Variants in ATXN1 observed in about 807,000 individuals in gnomAD.
ATXN1 encodes the protein ataxin 1.
A neutral mutation model predicts 56.4 loss-of-function variants in ATXN1; 8 were observed. That is an observed-to-expected ratio of 0.14 (90% confidence interval 0.08 to 0.26). The LOEUF is 0.26. Ranked by LOEUF, ATXN1 falls within the 10% of genes least tolerant of loss-of-function variation. ATXN1 has a pLI of 1.00. For missense variants in ATXN1, 987 were observed against 1,106.5 expected (o/e 0.89, Z 1.53); for synonymous variants, 514 against 494.6 (o/e 1.04, Z -0.52).
intron 6 of ATXN1, among the ~76,000 whole-genome samples, chr6:16,357,416 C>A (rs759426152): frequency 4.0e-5 from 6 of 151,896 alleles, no homozygotes; most frequent in Admixed American, 2.0e-4. Context: ...ACTACAGGTG[C>A]CCGCCACCAT....
intron 6 of ATXN1, among the ~76,000 whole-genome samples, chr6:16,454,148 A>AC (rs1561902131): frequency 2.3e-5 from 3 of 131,832 alleles, no homozygotes; most frequent in African/African-American, 7.9e-5. Context: ...AAAAAAAAAA[A>AC]AAAAAACAGA....
At chr6:16,378,699 C>T (rs1270291536) in intron 6 of ATXN1, among the ~76,000 whole-genome samples, 3 of 152,006 alleles carry the variant, frequency 2.0e-5, no homozygotes, top group Non-Finnish European at 2.9e-5. Flanking sequence ...GCTGGGACTA[C>T]AGGTGCACAC....
chr6:16,535,789 C>T (rs1761586236), intron 4 of ATXN1, among the ~76,000 whole-genome samples: 1 of 152,120 alleles, frequency 6.6e-6, no homozygotes, highest in African/African-American at 2.4e-5. Context: ...TTGACAAACC[C>T]TGACACAACC....
At chr6:16,558,871 T>C (rs1762063860) in intron 4 of ATXN1, among the ~76,000 whole-genome samples, 1 of 151,420 alleles carries the variant, frequency 6.6e-6, no homozygotes, top group African/African-American at 2.4e-5. Context: ...TAAACTAAAA[T>C]AGCATAAGAC....
intron 6 of ATXN1, among the ~76,000 whole-genome samples, chr6:16,365,323 C>G (rs548254332): frequency 2.0e-5 from 3 of 152,126 alleles, no homozygotes; most frequent in Non-Finnish European, 4.4e-5. Flanking sequence ...ACTGCAGGCA[C>G]GCATCACCAC....
At chr6:16,581,936 A>C (rs983406115) in intron 4 of ATXN1, among the ~76,000 whole-genome samples, 1 of 152,220 alleles carries the variant, frequency 6.6e-6, no homozygotes, top group Non-Finnish European at 1.5e-5. Flanking sequence ...ACAATTTCTT[A>C]AGGATATGGA....
intron 2 of ATXN1, among the ~76,000 whole-genome samples, chr6:16,721,680 T>A (rs1378262705): frequency 1.3e-5 from 2 of 152,204 alleles, no homozygotes; most frequent in Non-Finnish European, 2.9e-5. Context: ...GCAGATTTAA[T>A]GTAATAATTT....
At chr6:16,617,661 G>T (rs1763239170) in intron 3 of ATXN1, among the ~76,000 whole-genome samples, 1 of 151,534 alleles carries the variant, frequency 6.6e-6, no homozygotes, top group Non-Finnish European at 1.5e-5. Context: ...CAGCTACTCG[G>T]GAGGCTGAGG....
intron 6 of ATXN1, among the ~76,000 whole-genome samples, chr6:16,411,995 C>T (rs1758809541): frequency 6.6e-6 from 1 of 152,106 alleles, no homozygotes; most frequent in Non-Finnish European, 1.5e-5. Flanking sequence ...AGGGAAGACA[C>T]CCAATAAATA....
chr6:16,313,659 C>A (rs1400653072), intron 7 of ATXN1, among the ~76,000 whole-genome samples: 4 of 151,700 alleles, frequency 2.6e-5, no homozygotes, highest in African/African-American at 7.3e-5. Flanking sequence ...TGGATTCGAG[C>A]GATTCTCCTG....
At chr6:16,376,759 A>G (rs1762148161) in intron 6 of ATXN1, among the ~76,000 whole-genome samples, 1 of 152,234 alleles carries the variant, frequency 6.6e-6, no homozygotes, top group Non-Finnish European at 1.5e-5. Context: ...ATAGTTGACA[A>G]ACTCTGAAAT....
chr6:16,393,396 G>A (rs993827511), intron 6 of ATXN1, among the ~76,000 whole-genome samples: 19 of 151,964 alleles, frequency 1.3e-4, no homozygotes, highest in African/African-American at 3.6e-4. Flanking sequence ...AACCATACCC[G>A]GCTAATTTTT....
rs571923622 is a variant in ATXN1, at chr6:16,382,059, T to C, written c.-160-53589A>G. On this transcript the variant is annotated intron_variant, in intron 6 of 7. Coordinates refer to ENST00000436367, the MANE Select transcript of ATXN1 (RefSeq NM_001128164.2). ...TACCCAAAACAAATTAATAATTCAT[T>C]TGGGCCAGGCCTGGTGGCTTATGGC... Among the ~76,000 whole-genome samples the C allele has an allele frequency of 3.9e-5, 6 of 152,242 alleles. No homozygotes were observed. In the East Asian group the frequency reaches 1.2e-3, roughly 29 times the overall value.
chr6:16,442,486 T>TA (rs56851169), intron 6 of ATXN1, among the ~76,000 whole-genome samples: 56 of 150,236 alleles, frequency 3.7e-4, no homozygotes, highest in Admixed American at 4.6e-4. Context: ...GTATAATGAT[T>TA]AAAAAAAAAC....
At chr6:16,311,815 T>C (rs941846242) in intron 7 of ATXN1, among the ~76,000 whole-genome samples, 2 of 152,182 alleles carry the variant, frequency 1.3e-5, no homozygotes, top group African/African-American at 4.8e-5. Context: ...ATCCAAGTCA[T>C]AAAAATAAAA....
chr6:16,642,711 C>A (rs1018189511), intron 3 of ATXN1, among the ~76,000 whole-genome samples: 1 of 152,200 alleles, frequency 6.6e-6, no homozygotes. Flanking sequence ...AACCACCTCC[C>A]TAAATCAGTC....
At chr6:16,345,335 A>G (rs1013200636) in intron 6 of ATXN1, among the ~76,000 whole-genome samples, 1 of 152,228 alleles carries the variant, frequency 6.6e-6, no homozygotes, top group African/African-American at 2.4e-5. Context: ...GAAGGCCTCT[A>G]AACATTCATA....
intron 6 of ATXN1, among the ~76,000 whole-genome samples, chr6:16,458,908 C>A (rs1030429448): frequency 6.6e-5 from 10 of 152,210 alleles, no homozygotes; most frequent in African/African-American, 2.4e-4. Context: ...ATGTCATCAC[C>A]CTCACTGAGC....
chr6:16,582,200 A>G (rs1354728084), intron 4 of ATXN1, among the ~76,000 whole-genome samples: 1 of 151,944 alleles, frequency 6.6e-6, no homozygotes, highest in Non-Finnish European at 1.5e-5. Context: ...CCAGTTTCCA[A>G]TTTCAGATGC....
Sources: allele counts gnomAD v4.1 joint callset (sites outside exome capture counted in the v4.1 genomes callset), GRCh38; gene constraint gnomAD v4.1.1; transcripts MANE v1.5; gene names NCBI Gene and HGNC (gene_info 2026-07-23, HGNC 2026-07-21).